The following CSMD2 variants were observed in gnomAD, a reference collection of about 807,000 sequenced individuals.
CSMD2 encodes the protein CUB and sushi domain-containing protein 2.
In CSMD2, 130 loss-of-function variants were observed where a neutral mutation model predicts 398.5. The ratio of observed to expected loss-of-function variants is 0.33; its 90% CI spans 0.28 to 0.38. The LOEUF (loss-of-function observed/expected upper bound fraction) is 0.38. CSMD2 is among the 10% of genes least tolerant of loss of function. The pLI is 1.00. For missense variants in CSMD2, 3,829 were observed against 4,764.9 expected (o/e 0.80, Z 5.78); for synonymous variants, 1,828 against 1,908.5 (o/e 0.96, Z 1.10).
intron 13 of CSMD2, 124 bp from the exon 14 acceptor site, chr1:33,743,730 T>A: frequency 1.4e-6 from 1 of 732,992 alleles, no homozygotes; most frequent in Non-Finnish European, 2.2e-6. Context: ...GGCACAAGGG[T>A]TGGGCTGGAC....
intron 3 of CSMD2, among the ~76,000 whole-genome samples, chr1:33,978,551 G>A (rs1001348532): frequency 1.1e-4 from 16 of 152,084 alleles, no homozygotes; most frequent in Admixed American, 6.6e-5. Context: ...AGGGCTTCCC[G>A]GGCAGAGAGA....
intron 46 of CSMD2, among the ~76,000 whole-genome samples, chr1:33,584,925 CA>C (rs1431673071): frequency 6.6e-6 from 1 of 152,114 alleles, no homozygotes; most frequent in Non-Finnish European, 1.5e-5. Context: ...ATTTCGTCAT[CA>C]CCATGAGTGG....
At chr1:33,946,267 T>G (rs1644833975) in intron 3 of CSMD2, among the ~76,000 whole-genome samples, 1 of 152,230 alleles carries the variant, frequency 6.6e-6, no homozygotes, top group Non-Finnish European at 1.5e-5. Flanking sequence ...CGAAACACAT[T>G]TTGGGAGGTG....
At chr1:33,648,052 G>T (rs905534086) in intron 28 of CSMD2, among the ~76,000 whole-genome samples, 2 of 152,144 alleles carry the variant, frequency 1.3e-5, no homozygotes, top group African/African-American at 4.8e-5. Flanking sequence ...ATTGTGCCTA[G>T]ATCAGCTGCA....
intron 12 of CSMD2, among the ~76,000 whole-genome samples, chr1:33,784,756 A>C (rs1422442252): frequency 6.6e-6 from 1 of 152,154 alleles, no homozygotes; most frequent in Non-Finnish European, 1.5e-5. Context: ...GGCTGGAGAG[A>C]AACTTTGGTG....
intron 1 of CSMD2, among the ~76,000 whole-genome samples, chr1:34,154,997 A>G (rs1025073106): frequency 1.1e-4 from 16 of 152,308 alleles, no homozygotes; most frequent in Non-Finnish European, 2.2e-4. Flanking sequence ...AAGCGCTGGG[A>G]TTACAGGCGT....
At chr1:33,546,258 G>T in intron 56 of CSMD2, 39 bp from the exon 57 acceptor site, 1 of 1,573,332 alleles carries the variant, frequency 6.4e-7, no homozygotes, top group Non-Finnish European at 8.7e-7. Context: ...TATTTTTCAG[G>T]GAAGAAAAGG....
chr1:34,090,702 G>A (rs1463341344), intron 1 of CSMD2, among the ~76,000 whole-genome samples: 1 of 152,090 alleles, frequency 6.6e-6, no homozygotes, highest in Admixed American at 6.5e-5. Flanking sequence ...CTAAACTGCC[G>A]TATTAACTCC....
chr1:34,071,220 T>C (rs758764285), intron 2 of CSMD2, among the ~76,000 whole-genome samples: 2 of 152,166 alleles, frequency 1.3e-5, no homozygotes, highest in Non-Finnish European at 2.9e-5. Context: ...CCAGGCAGGA[T>C]TGAAGATGCT....
At chr1:33,780,308 A>G (rs1017352474) in intron 12 of CSMD2, among the ~76,000 whole-genome samples, 1 of 152,180 alleles carries the variant, frequency 6.6e-6, no homozygotes, top group Non-Finnish European at 1.5e-5. Context: ...ATTGCCTCAG[A>G]ACCACACCCC....
intron 4 of CSMD2, among the ~76,000 whole-genome samples, chr1:33,919,072 G>A (rs1379934522): frequency 6.6e-6 from 1 of 152,208 alleles, no homozygotes; most frequent in Non-Finnish European, 1.5e-5. Flanking sequence ...AAGCGCATGG[G>A]ATGCTCTTGG....
At chr1:33,804,845 T>C in intron 10 of CSMD2, 1 of 717,450 alleles carries the variant, frequency 1.4e-6, no homozygotes. Flanking sequence ...GACTTTGAGT[T>C]TCCACACTTA....
intron 66 of CSMD2, 35 bp downstream of exon 66, chr1:33,524,847 T>C (rs1654629951): frequency 1.9e-6 from 3 of 1,608,394 alleles, no homozygotes; most frequent in Non-Finnish European, 2.5e-6. Flanking sequence ...TGCCCATCCA[T>C]CCTCCCGGCT....
intron 47 of CSMD2, among the ~76,000 whole-genome samples, chr1:33,581,524 A>G (rs1375369116): frequency 4.8e-5 from 6 of 124,000 alleles, no homozygotes; most frequent in African/African-American, 1.9e-4. Context: ...AGAAAGACTC[A>G]GTCTCAAAAA....
At chr1:33,743,112 G>A (rs1161288232) in intron 14 of CSMD2, among the ~76,000 whole-genome samples, 168 bp downstream of exon 14, 1 of 152,152 alleles carries the variant, frequency 6.6e-6, no homozygotes, top group Non-Finnish European at 1.5e-5. Context: ...AGTGCTTTAT[G>A]CCCTTTCTTG....
rs1190064020 is a variant in CSMD2 at position 33,665,525 on chromosome 1, T to C, written c.4053-2433A>G. On this transcript the variant is annotated intron_variant, in intron 25 of 70. Coordinates refer to ENST00000373381, the MANE Select transcript of CSMD2 (RefSeq NM_001281956.2). ...TCTGGTTGCCCAGGTTGGAGTTCAG[T>C]GGTGCAATCGTAACTCACTACAACC... Among the ~76,000 whole-genome samples the C allele has an allele frequency of 4.3e-5, 6 of 140,796 alleles. No individual in the cohort carries two copies. In the Admixed American group the frequency reaches 4.7e-4, roughly 11 times the overall value. 92.4% of individuals were successfully genotyped at this position (140,796 alleles called of 152,430 possible).
chr1:33,564,627 TC>T (rs1310654826), intron 53 of CSMD2, among the ~76,000 whole-genome samples: 1 of 152,202 alleles, frequency 6.6e-6, no homozygotes, highest in Non-Finnish European at 1.5e-5. Flanking sequence ...TGTTTCAAAT[TC>T]CCAGGCTCAA....
intron 6 of CSMD2, among the ~76,000 whole-genome samples, chr1:33,840,742 G>A (rs1286537297): frequency 6.6e-6 from 1 of 152,210 alleles, no homozygotes; most frequent in African/African-American, 2.4e-5. Context: ...GAACTCACGA[G>A]CTCAGTTTTG....
rs143234680 is a variant in CSMD2, at chr1:33,815,702, C to A, written c.1324+4011G>T. ...TAAACATAAAATATGGTTATTGCCA[C>A]TTTACTCATAAAGAAATTATGAAAA... On this transcript the variant is annotated intron_variant, in intron 9 of 70. Transcript: ENST00000373381. Among the ~76,000 whole-genome samples the A allele has an allele frequency of 7.9e-5, 12 of 152,322 alleles. No homozygotes were observed. The East Asian group carries it at 2.3e-3, about 29-fold the overall frequency.
Sources: gnomAD v4.1 joint callset for allele counts (sites outside exome capture counted in the v4.1 genomes callset) on GRCh38, gnomAD v4.1.1 for gene constraint, MANE v1.5 for transcripts, NCBI Gene and HGNC (gene_info 2026-07-23, HGNC 2026-07-21) for gene names.